Variants in ULBP3 observed in about 807,000 individuals in gnomAD.
ULBP3 encodes the protein UL16-binding protein 3.
A neutral mutation model predicts 24.9 loss-of-function variants in ULBP3; 25 were observed. The ratio of observed to expected loss-of-function variants is 1.00; its 90% confidence interval spans 0.73 to 1.40. The LOEUF (loss-of-function observed/expected upper bound fraction) is 1.40, where lower values mean the gene tolerates loss of function less well. Among genes scored for constraint, ULBP3 ranks in the 40% most tolerant of loss-of-function variants. The pLI is 0.00. For synonymous variants in ULBP3, 114 were observed against 114.7 expected, an observed-to-expected ratio of 0.99 and a Z score of 0.04; for missense variants, 306 against 307.5, an observed-to-expected ratio of 1.00 and a Z score of 0.04.
In ULBP3 at chr6:150,061,806, T is replaced by C. The variant is rs565515489; in HGVS notation, c.*1568A>G. Among the ~76,000 whole-genome samples, 4 of 152,344 alleles carry C rather than the reference T, an allele frequency of 2.6e-5. No individual in the cohort carries two copies. Among genetic ancestry groups the C allele is most frequent in the African/African-American group, 9.6e-5 (4 of 41,578 alleles). On this transcript the variant is annotated 3_prime_UTR_variant, in exon 5 of 5. Transcript: ENST00000367339. ...TTGCAGGCTTGAATGGTAGTTCTAT[T>C]TTAAGTTCTTGGAGAAATCTCCAAA... is the stretch of plus-strand genomic sequence containing the variant.
In ULBP3 at chr6:150,066,080, C is replaced by T; in HGVS notation, c.171G>A (p.Val57=). ...GQQWCEVQSQ[V]DQKNFLSYDC... is the part of the protein sequence containing the mutation. ...CATAGGAGAGAAAATTCTTCTGATCCACCTGGCTCTGGACCTCACACCACT... is the reference window on the plus strand; with the variant it reads ...CATAGGAGAGAAAATTCTTCTGATCTACCTGGCTCTGGACCTCACACCACT... The change falls in exon 2 of 5, where the codon GTG becomes GTA. Residue 57 remains valine (V), a synonymous_variant. Coordinates refer to ENST00000367339, the MANE Select transcript of ULBP3 (RefSeq NM_024518.3). The T allele has an allele frequency of 6.2e-7, 1 of 1,614,206 alleles. No individual in the cohort carries two copies. Among genetic ancestry groups the T allele is most frequent in the Non-Finnish European group, 8.5e-7 (1 of 1,180,050 alleles).
chr6:150,065,133 G>A (rs1173001194), intron 3 of ULBP3, among the ~76,000 whole-genome samples: 1 of 151,962 alleles, frequency 6.6e-6, no homozygotes, highest in Non-Finnish European at 1.5e-5. Context: ...TTTTGAGGCT[G>A]GTGAGAAATC....
At chr6:150,063,561 G>A (rs1461534066) in intron 4 of ULBP3, among the ~76,000 whole-genome samples, 1 of 152,154 alleles carries the variant, frequency 6.6e-6, no homozygotes, top group Non-Finnish European at 1.5e-5. Context: ...TCCTGTTACA[G>A]CCCATAGGGG....
rs534669805 is a variant in ULBP3 at position 150,062,428 on chromosome 6, G to C, written c.*946C>G. ...CAATTTGCCAGGCATGGTGGCATGC[G>C]CCTGTAGTCCCAGCTACTCTAGAGG... On this transcript the variant is annotated 3_prime_UTR_variant, in exon 5 of 5. Transcript: ENST00000367339. Among the ~76,000 whole-genome samples, 1 of 152,132 alleles carries C rather than the reference G, an allele frequency of 6.6e-6. No homozygotes were observed. The highest frequency in any genetic ancestry group is 2.4e-5 in the African/African-American group (1 of 41,422).
chr6:150,061,891 C>T lies in ULBP3; in HGVS notation c.*1483G>A, dbSNP rs1287776862. Among the ~76,000 whole-genome samples, 9 of 152,192 alleles carry T rather than the reference C, an allele frequency of 5.9e-5. No individual in the cohort carries two copies. On this transcript the variant is annotated 3_prime_UTR_variant, in exon 5 of 5. Coordinates refer to ENST00000367339, the MANE Select transcript of ULBP3 (RefSeq NM_024518.3). ...CCACCAACAGTGTCTGTTTCTTTTC[C>T]TCTGCAGCCTCACCACCATCTCCAA...
intron 3 of ULBP3, 32 bp from the exon 4 acceptor site, chr6:150,064,745 G>A: frequency 6.2e-7 from 1 of 1,609,378 alleles, no homozygotes; most frequent in South Asian, 1.1e-5. Context: ...GACAACTCTT[G>A]TCCACGCTCC....
Position 150,064,565 on chromosome 6 carries a change from C to T in ULBP3, c.*22+20G>A. The T allele has an allele frequency of 6.2e-7, 1 of 1,604,834 alleles. No homozygotes were observed. The highest frequency in any genetic ancestry group is 8.5e-7 in the Non-Finnish European group (1 of 1,171,896). On this transcript the variant is annotated intron_variant, in intron 4 of 4. Coordinates refer to ENST00000367339, the MANE Select transcript of ULBP3 (RefSeq NM_024518.3). ...TCACCCATCTGTCTCTCGTTCCCCTCACAGTTTTGCCCACAGTACCTGTCA... is the reference window on the plus strand; with the variant it reads ...TCACCCATCTGTCTCTCGTTCCCCTTACAGTTTTGCCCACAGTACCTGTCA...
intron 1 of ULBP3, among the ~76,000 whole-genome samples, chr6:150,067,837 T>C (rs1776369832): frequency 6.6e-6 from 1 of 152,080 alleles, no homozygotes; most frequent in Admixed American, 6.5e-5. Flanking sequence ...TCCAACAGGG[T>C]CCCCTAGTGC....
At chr6:150,067,442 A>G (rs1776363662) in intron 1 of ULBP3, among the ~76,000 whole-genome samples, 1 of 152,234 alleles carries the variant, frequency 6.6e-6, no homozygotes, top group Non-Finnish European at 1.5e-5. Flanking sequence ...AGGGATGTGA[A>G]GCATTAACTT....
intron 1 of ULBP3, among the ~76,000 whole-genome samples, chr6:150,068,114 T>C (rs1464397474): frequency 2.6e-5 from 4 of 152,084 alleles, no homozygotes; most frequent in Admixed American, 6.5e-5. Context: ...AGCAGTTGGC[T>C]CTGATCCCCA....
rs761330157 is a variant in ULBP3 at position 150,066,109 on chromosome 6, G to A, written c.142C>T (p.Gln48Ter). Reference protein sequence around the residue: ...FTIIHLPRHGQQWCEVQSQVD... With the variant: ...FTIIHLPRHG Reference sequence around the variant, plus strand: ...TGGCTCTGGACCTCACACCACTGTTGCCCATGTCTGGGCAAATGAATGATG... The same window carrying A: ...TGGCTCTGGACCTCACACCACTGTTACCCATGTCTGGGCAAATGAATGATG... Residue 48 changes from glutamine to a stop codon, truncating the protein, a stop_gained, in exon 2 of 5, where the codon CAA becomes TAA. Coordinates refer to ENST00000367339, the MANE Select transcript of ULBP3 (RefSeq NM_024518.3). LOFTEE classifies it high-confidence loss of function. 21 of 1,614,078 alleles carry A rather than the reference G, an allele frequency of 1.3e-5. No homozygotes were observed. Among genetic ancestry groups the A allele is most frequent in the Non-Finnish European group, 1.8e-5 (21 of 1,180,056 alleles).
rs546882595 is a variant in ULBP3 at position 150,068,838 on chromosome 6, G to T, written c.88+141C>A. On this transcript the variant is annotated intron_variant, in intron 1 of 4. Coordinates refer to ENST00000367339, the MANE Select transcript of ULBP3 (RefSeq NM_024518.3). ...GAAGCGGACCTGGCGAAAAAGAGCA[G>T]CGAATCGGAACTGAGCGTGGGGGCA... The T allele has an allele frequency of 1.6e-4, 134 of 862,476 alleles. 1 individual carries two copies. In the South Asian group the frequency reaches 3.6e-3, roughly 23 times the overall value. The allele number at this position is 862,476 out of a possible 1,614,324, so 53.4% of individuals were successfully genotyped here.
intron 1 of ULBP3, among the ~76,000 whole-genome samples, chr6:150,068,177 G>A (rs917436844): frequency 6.6e-6 from 1 of 152,102 alleles, no homozygotes; most frequent in Non-Finnish European, 1.5e-5. Context: ...GAGGCTTCAG[G>A]GAGGGTCCCT....
intron 4 of ULBP3, among the ~76,000 whole-genome samples, chr6:150,063,962 AGC>A (rs1776309418): frequency 6.6e-6 from 1 of 152,188 alleles, no homozygotes. Flanking sequence ...CCCAGGGCCT[AGC>A]CAGGAATCCC....
Position 150,065,884 on chromosome 6 carries a change from G to GTC in ULBP3, c.352+13_352+14dup, listed in dbSNP as rs536472153. On this transcript the variant is annotated intron_variant, in intron 2 of 4. Coordinates refer to ENST00000367339, the MANE Select transcript of ULBP3 (RefSeq NM_024518.3). ...CACAGTCTGCTCCCTTCTGTCCTTG[G>GTC]TCTCTTTCACTCACCACTGGGTGTG... 293 of 1,611,228 alleles carry GTC rather than the reference G, an allele frequency of 1.8e-4. No homozygotes were observed. The African/African-American group carries it at 3.4e-3, about 19-fold the overall frequency.
At chr6:150,068,490 C>T (rs1446698726) in intron 1 of ULBP3, among the ~76,000 whole-genome samples, 1 of 152,184 alleles carries the variant, frequency 6.6e-6, no homozygotes, top group Non-Finnish European at 1.5e-5. Context: ...TACAAAGGGA[C>T]GGGACTTGAC....
At chr6:150,064,464 C>A in intron 4 of ULBP3, 121 bp downstream of exon 4, 1 of 873,708 alleles carries the variant, frequency 1.1e-6, no homozygotes, top group South Asian at 1.5e-5. Flanking sequence ...ATTCACCTGT[C>A]TCATGTCAGA....
chr6:150,065,640 T>G lies in ULBP3; in HGVS notation c.386A>C (p.Glu129Ala), dbSNP rs752315575. The change falls in exon 3 of 5, where the codon GAG becomes GCG. Residue 129 changes from glutamate (E) to alanine (A), a missense_variant. Coordinates refer to ENST00000367339, the MANE Select transcript of ULBP3 (RefSeq NM_024518.3). Reference protein sequence around the residue: ...PLTLQVRMSCECEADGYIRGS... With the variant: ...PLTLQVRMSCACEADGYIRGS... Reference sequence around the variant, plus strand: ...ACGGATGTATCCATCGGCTTCACACTCACAAGACATCCTGACCTGCAGCGT... The same window carrying G: ...ACGGATGTATCCATCGGCTTCACACGCACAAGACATCCTGACCTGCAGCGT... 1.9e-6 allele frequency: 3 copies of G among 1,614,164 alleles called. No homozygotes were observed. Among genetic ancestry groups the G allele is most frequent in the Non-Finnish European group, 2.5e-6 (3 of 1,180,014 alleles).
At position 150,067,587 on chromosome 6, in the gene ULBP3, G is replaced by C. The variant is rs1441918887; in HGVS notation, c.88+1392C>G. Among the ~76,000 whole-genome samples, 12 of 150,142 alleles carry C rather than the reference G, an allele frequency of 8.0e-5. No homozygotes were observed. In the East Asian group the frequency reaches 2.3e-3, roughly 29 times the overall value. ...TTCACATTTCCTGGATTTCTACCGGGAATGGATAGTGTTTGTAGTTAATGT... is the reference window on the plus strand; with the variant it reads ...TTCACATTTCCTGGATTTCTACCGGCAATGGATAGTGTTTGTAGTTAATGT... On this transcript the variant is annotated intron_variant, in intron 1 of 4. Coordinates refer to ENST00000367339, the MANE Select transcript of ULBP3 (RefSeq NM_024518.3).
Sources: gnomAD v4.1 joint callset for allele counts (sites outside exome capture counted in the v4.1 genomes callset) on GRCh38, gnomAD v4.1.1 for gene constraint, MANE v1.5 for transcripts, NCBI Gene and HGNC (gene_info 2026-07-23, HGNC 2026-07-21) for gene names.